The following CREB3L2 variants were observed in gnomAD, a reference collection of about 807,000 sequenced individuals.
CREB3L2 encodes cyclic AMP-responsive element-binding protein 3-like protein 2.
Under a neutral mutation model 57.2 loss-of-function variants are expected in CREB3L2, and 23 were observed. The observed-to-expected ratio is 0.40, with a 90% confidence interval of 0.29 to 0.57. The LOEUF (loss-of-function observed/expected upper bound fraction) is 0.57, where lower values mean the gene tolerates loss of function less well. Among genes scored for constraint, CREB3L2 ranks in the 20% least tolerant of loss-of-function variants. The probability of loss-of-function intolerance (pLI) is 0.42; values close to 1 mark genes in which losing one functional copy is unlikely to be tolerated. For synonymous variants in CREB3L2, 268 were observed against 265.1 expected (o/e 1.01, Z -0.11); for missense variants, 628 against 634.7 (o/e 0.99, Z 0.11).
intron 1 of CREB3L2, among the ~76,000 whole-genome samples, chr7:137,929,059 G>C (rs556284053): frequency 6.6e-6 from 1 of 152,284 alleles, no homozygotes; most frequent in Non-Finnish European, 1.5e-5. Context: ...AAAAACATTA[G>C]AGGTGGCTTC....
chr7:137,994,213 G>A (rs533349707), intron 1 of CREB3L2, among the ~76,000 whole-genome samples: 1 of 152,322 alleles, frequency 6.6e-6, no homozygotes, highest in African/African-American at 2.4e-5. Context: ...TAAGGCTTAA[G>A]GCTATTTACC....
intron 1 of CREB3L2, among the ~76,000 whole-genome samples, chr7:137,993,973 T>A (rs1585683141): frequency 6.6e-6 from 1 of 152,276 alleles, no homozygotes; most frequent in African/African-American, 2.4e-5. Flanking sequence ...CAAGGAAAAA[T>A]CAAGATCCCT....
intron 1 of CREB3L2, among the ~76,000 whole-genome samples, chr7:137,999,011 T>G (rs1431145173): frequency 6.6e-6 from 1 of 152,168 alleles, no homozygotes; most frequent in South Asian, 2.1e-4. Context: ...GAAAGTTTTA[T>G]GAAATCATTC....
chr7:137,939,646 A>C (rs1438517174), intron 1 of CREB3L2, among the ~76,000 whole-genome samples: 1 of 152,242 alleles, frequency 6.6e-6, no homozygotes, highest in African/African-American at 2.4e-5. Context: ...GCCATGATCA[A>C]GTCAACCGTT....
chr7:138,001,565 G>A lies in CREB3L2; in HGVS notation c.102+39C>T. 6.7e-7 allele frequency: 1 copy of A among 1,500,600 alleles called. No homozygotes were observed. The highest frequency in any genetic ancestry group is 1.8e-5 in the Admixed American group (1 of 54,832). 93.0% of individuals were successfully genotyped at this position (1,500,600 alleles called of 1,614,324 possible). A position where few individuals can be genotyped will look rare whatever the true frequency, so the allele number is the denominator to read the frequency against. Reference sequence around the variant, plus strand: ...GCTCCTCGCGTGACAACACTTGCCCGCTTTGAAAGCCCTCCTGCCCCGCCC... The same window carrying A: ...GCTCCTCGCGTGACAACACTTGCCCACTTTGAAAGCCCTCCTGCCCCGCCC... On this transcript the variant is annotated intron_variant, in intron 1 of 11. Transcript: ENST00000330387. This position sits in a 1 kb window ranked among gnomAD's most constrained non-coding sequence, Gnocchi z 4.2.
intron 1 of CREB3L2, among the ~76,000 whole-genome samples, chr7:137,978,628 G>C (rs1263079492): frequency 6.6e-6 from 1 of 152,194 alleles, no homozygotes; most frequent in African/African-American, 2.4e-5. Context: ...AAGAACGTAA[G>C]ACACTGGTCA....
intron 3 of CREB3L2, 89 bp downstream of exon 3, chr7:137,915,748 T>C (rs866856969): frequency 8.3e-7 from 1 of 1,206,178 alleles, no homozygotes; most frequent in Middle Eastern, 2.3e-4. Context: ...AGCCACTAAC[T>C]CCAAAAAGAT....
In CREB3L2 at chr7:138,001,858, C is replaced by A. The variant is rs1231209361; in HGVS notation, c.-153G>T. 9 of 527,094 alleles carry A rather than the reference C, an allele frequency of 1.7e-5. No homozygotes were observed. The Admixed American group carries it at 3.0e-4, about 18-fold the overall frequency. 32.7% of individuals were successfully genotyped at this position (527,094 alleles called of 1,614,324 possible). A position where few individuals can be genotyped will look rare whatever the true frequency, so the allele number is the denominator to read the frequency against. On this transcript the variant is annotated 5_prime_UTR_variant, in exon 1 of 12. Coordinates refer to ENST00000330387, the MANE Select transcript of CREB3L2 (RefSeq NM_194071.4). This position sits in a 1 kb window ranked among gnomAD's most constrained non-coding sequence, Gnocchi z 4.2. The stretch of plus-strand genomic sequence containing the variant: ...TGCACTTGGAAAGCAAACGTCTGCT[C>A]CTCTGCCGGAGAGAGGATGGCCAAG...
In CREB3L2 at chr7:137,976,915, G is replaced by A. The variant is rs117300115; in HGVS notation, c.102+24689C>T. Among the ~76,000 whole-genome samples, 188 of 152,290 alleles carry A rather than the reference G, an allele frequency of 1.2e-3. 1 individual carries two copies. The East Asian group carries it at 0.027, about 22-fold the overall frequency. On this transcript the variant is annotated intron_variant, in intron 1 of 11. Transcript: ENST00000330387. ...CATAAGCTATATAGGCTACGCAGAC[G>A]GCAGCCTGCCATCTTCTTGCACGTA...
intron 11 of CREB3L2, among the ~76,000 whole-genome samples, chr7:137,881,853 G>A (rs546447213): frequency 1.3e-5 from 2 of 152,318 alleles, no homozygotes; most frequent in East Asian, 3.9e-4. Flanking sequence ...GAGCCAAATA[G>A]AGGTTGTTCT....
rs370768188 is a variant in CREB3L2, at chr7:137,878,587, G to A, written c.*1889C>T. ...CTCCTGCACAGCTCAGACAGTCTCCGCCCTGGCTAATGGGAGGGACAACAA... is the reference window on the plus strand; with the variant it reads ...CTCCTGCACAGCTCAGACAGTCTCCACCCTGGCTAATGGGAGGGACAACAA... On this transcript the variant is annotated 3_prime_UTR_variant, in exon 12 of 12. Transcript: ENST00000330387. The A allele has an allele frequency of 2.6e-5, 6 of 233,396 alleles. No individual in the cohort carries two copies. Among genetic ancestry groups the A allele is most frequent in the South Asian group, 1.8e-4 (1 of 5,560 alleles). 14.5% of individuals were successfully genotyped at this position (233,396 alleles called of 1,614,324 possible). A position where few individuals can be genotyped will look rare whatever the true frequency, so the allele number is the denominator to read the frequency against.
At chr7:137,894,024 G>A (rs1418091740) in intron 8 of CREB3L2, among the ~76,000 whole-genome samples, 1 of 152,204 alleles carries the variant, frequency 6.6e-6, no homozygotes, top group Non-Finnish European at 1.5e-5. Flanking sequence ...CACACCGTTG[G>A]AGAGAGACAG....
chr7:137,953,202 G>T, intron 1 of CREB3L2: 1 of 284,402 alleles, frequency 3.5e-6, no homozygotes, highest in Non-Finnish European at 7.0e-6. Flanking sequence ...TTATTTCCTG[G>T]GAAACAAGAG....
intron 2 of CREB3L2, among the ~76,000 whole-genome samples, chr7:137,927,790 A>G (rs919805987): frequency 1.5e-5 from 2 of 134,300 alleles, no homozygotes; most frequent in Non-Finnish European, 3.1e-5. Context: ...TTTCTCAGAA[A>G]AAAAAAAAAA....
At chr7:137,943,843 C>T (rs995671690) in intron 1 of CREB3L2, among the ~76,000 whole-genome samples, 4 of 152,110 alleles carry the variant, frequency 2.6e-5, no homozygotes, top group Non-Finnish European at 5.9e-5. Flanking sequence ...ATGACAACAA[C>T]CAAAAATGCC....
chr7:137,951,857 G>A (rs1801109276), intron 1 of CREB3L2, among the ~76,000 whole-genome samples: 1 of 152,146 alleles, frequency 6.6e-6, no homozygotes, highest in Non-Finnish European at 1.5e-5. Context: ...GGGCGTGGTG[G>A]TGCACAGCTG....
At chr7:137,908,551 C>G (rs1799941155) in intron 4 of CREB3L2, 115 bp from the exon 5 acceptor site, 1 of 654,510 alleles carries the variant, frequency 1.5e-6, no homozygotes, top group Non-Finnish European at 2.2e-6. Flanking sequence ...CTGGACAGAT[C>G]TCCAAGGTGC....
chr7:137,971,307 G>A lies in CREB3L2; in HGVS notation c.102+30297C>T, dbSNP rs182693526. On this transcript the variant is annotated intron_variant, in intron 1 of 11. Transcript: ENST00000330387. ...CTACTAAAAATACAAAAAATTAGCC[G>A]GGTGTGGTGGCGGGCGCCTGTAGTC... Among the ~76,000 whole-genome samples the A allele has an allele frequency of 7.1e-4, 108 of 152,236 alleles. No homozygotes were observed. In the East Asian group the frequency reaches 0.019, roughly 27 times the overall value.
chr7:137,883,329 A>C (rs1799339166), intron 10 of CREB3L2, among the ~76,000 whole-genome samples: 1 of 152,188 alleles, frequency 6.6e-6, no homozygotes, highest in Non-Finnish European at 1.5e-5. Context: ...AAGATGGCAA[A>C]ATTTTCCCTA....
Sources: allele counts gnomAD v4.1 joint callset (sites outside exome capture counted in the v4.1 genomes callset), GRCh38; gene constraint gnomAD v4.1.1; non-coding constraint Gnocchi (gnomAD v3.1); transcripts MANE v1.5; gene names NCBI Gene and HGNC (gene_info 2026-07-23, HGNC 2026-07-21).